Variants in THAP5 observed in about 807,000 individuals in gnomAD.
The protein encoded by THAP5 is THAP domain-containing protein 5.
Under a neutral mutation model 34.0 loss-of-function variants are expected in THAP5, and 26 were observed. That is an observed-to-expected ratio of 0.77 (90% confidence interval 0.56 to 1.06). The LOEUF is 1.06. Ranked by LOEUF, THAP5 falls within the 50% of genes least tolerant of loss-of-function variation. THAP5 has a pLI of 0.00. For missense variants in THAP5, 394 were observed against 452.8 expected (o/e 0.87, Z 1.18); for synonymous variants, 125 against 153.0 (o/e 0.82, Z 1.35).
chr7:108,565,926 G>A lies in THAP5; in HGVS notation c.177C>T (p.Asp59=), dbSNP rs1228216208. The change falls in exon 2 of 3, where the codon GAC becomes GAT. Residue 59 remains aspartate, a synonymous_variant. Transcript: ENST00000415914. ...VPSKYQFLCS[D]HFTPDSLDIR... ...TGTCAAGAGAGTCAGGAGTAAAATGGTCACTACATAGAAACTGGTATTTAC... is the reference window on the plus strand; with the variant it reads ...TGTCAAGAGAGTCAGGAGTAAAATGATCACTACATAGAAACTGGTATTTAC... The A allele has an allele frequency of 1.1e-5, 17 of 1,550,574 alleles. No homozygotes were observed. In the South Asian group the frequency reaches 1.8e-4, roughly 16 times the overall value.
At chr7:108,548,956 A>T in the THAP5 span, among the ~76,000 whole-genome samples, 2 of 152,132 alleles carry the variant, frequency 1.3e-5, no homozygotes, top group African/African-American at 4.8e-5. Context: ...GTGTTCTACA[A>T]GCCTTATTGC....
In THAP5 at chr7:108,565,341, C is replaced by A. The variant is rs1216380713; in HGVS notation, c.274-236G>T. The A allele has an allele frequency of 3.5e-5, 11 of 314,368 alleles. No homozygotes were observed. The South Asian group carries it at 9.6e-4, about 27-fold the overall frequency. The allele number at this position is 314,368 out of a possible 1,614,324, so 19.5% of individuals were successfully genotyped here. A position where few individuals can be genotyped will look rare whatever the true frequency, so the allele number is the denominator to read the frequency against. On this transcript the variant is annotated intron_variant, in intron 2 of 2. Coordinates refer to ENST00000415914, the MANE Select transcript of THAP5 (RefSeq NM_001130475.3). ...TAGTATATTGGGAGGCCAAGGCAGG[C>A]AGATCAACTGAGGTCAGGAGTTCAA...
At chr7:108,547,360 T>C in the THAP5 span, among the ~76,000 whole-genome samples, 1 of 152,202 alleles carries the variant, frequency 6.6e-6, no homozygotes, top group Non-Finnish European at 1.5e-5. Flanking sequence ...TTCTAGTTCA[T>C]TGTGCATATT....
At chr7:108,566,299 C>T (rs1445243244) in intron 1 of THAP5, among the ~76,000 whole-genome samples, 1 of 152,056 alleles carries the variant, frequency 6.6e-6, no homozygotes, top group East Asian at 1.9e-4. Flanking sequence ...TATATGTGTT[C>T]CTATAAAGGA....
the THAP5 span, among the ~76,000 whole-genome samples, chr7:108,549,407 A>G: frequency 6.6e-6 from 1 of 152,206 alleles, no homozygotes; most frequent in African/African-American, 2.4e-5. Context: ...GGCGTGAGCC[A>G]CTGCATCTGA....
the THAP5 span, among the ~76,000 whole-genome samples, chr7:108,547,896 G>A: frequency 2.0e-5 from 3 of 152,102 alleles, no homozygotes; most frequent in Admixed American, 2.0e-4. Context: ...CCTGAGCAGT[G>A]GTGTTTAAAT....
Position 108,563,765 on chromosome 7 carries a change from G to T in THAP5, c.*426C>A, listed in dbSNP as rs1268220630. ...AGAATTATCTTAATAAAAAGGGAAG[G>T]GACTATAAATAACCAATTACAAATC... On this transcript the variant is annotated 3_prime_UTR_variant, in exon 3 of 3. Coordinates refer to ENST00000415914, the MANE Select transcript of THAP5 (RefSeq NM_001130475.3). 6.5e-6 allele frequency: 1 copy of T among 153,848 alleles called. No individual in the cohort carries two copies. The highest frequency in any genetic ancestry group is 1.4e-5 in the Non-Finnish European group (1 of 69,364). The allele number at this position is 153,848 out of a possible 1,614,324, so 9.5% of individuals were successfully genotyped here. A position where few individuals can be genotyped will look rare whatever the true frequency, so the allele number is the denominator to read the frequency against.
chr7:108,549,422 T>C, the THAP5 span, among the ~76,000 whole-genome samples: 1 of 152,178 alleles, frequency 6.6e-6, no homozygotes, highest in Non-Finnish European at 1.5e-5. Context: ...ATCTGACCTA[T>C]ATTTTTAAAG....
At chr7:108,566,164 A>G (rs1790484147) in intron 1 of THAP5, 142 bp from the exon 2 acceptor site, 1 of 635,424 alleles carries the variant, frequency 1.6e-6, no homozygotes, top group Admixed American at 3.3e-5. Flanking sequence ...CTACCAAATA[A>G]GAGCATCTTC....
chr7:108,558,381 G>GTATGTATA (rs1554694585), downstream of THAP5, among the ~76,000 whole-genome samples: 1 of 93,824 alleles, frequency 1.1e-5, no homozygotes, highest in South Asian at 2.9e-4. Context: ...GTGTGTGTAT[G>GTATGTATA]TATATATATA....
At position 108,564,930 on chromosome 7, in the gene THAP5, T is replaced by C; in HGVS notation, c.449A>G (p.Lys150Arg). 6.4e-7 allele frequency: 1 copy of C among 1,571,220 alleles called. No homozygotes were observed. The highest frequency in any genetic ancestry group is 8.7e-7 in the Non-Finnish European group (1 of 1,154,876). The change falls in exon 3 of 3, where the codon AAG becomes AGG. Residue 150 changes from lysine to arginine, a missense_variant. Lys to Arg is a conservative substitution (Grantham distance 26). Transcript: ENST00000415914. ...ACTTCCTGTTTTGGGAGCTGGTGGC[T>C]TTACCAAGGAAGATGAATGAAGTAA... ...PELLHSSSLV[K>R]PPAPKTGSIQ...
Position 108,565,888 on chromosome 7 carries a change from A to G in THAP5, c.215T>C (p.Ile72Thr). ...AACTGCAGTTTGTTTTAAATATCGA[A>G]TACCCCATCTGATGTCAAGAGAGTC... Reference protein sequence around the residue: ...TPDSLDIRWGIRYLKQTAVPT... With the variant: ...TPDSLDIRWGTRYLKQTAVPT... The change falls in exon 2 of 3, where the codon ATT (isoleucine) becomes ACT (threonine). Residue 72 changes from isoleucine (I) to threonine (T), a missense_variant. Coordinates refer to ENST00000415914, the MANE Select transcript of THAP5 (RefSeq NM_001130475.3). 1 of 1,548,850 alleles carries G rather than the reference A, an allele frequency of 6.5e-7. No individual in the cohort carries two copies. Among genetic ancestry groups the G allele is most frequent in the Non-Finnish European group, 8.7e-7 (1 of 1,146,580 alleles).
chr7:108,565,606 T>A, intron 2 of THAP5: 2 of 357,922 alleles, frequency 5.6e-6, no homozygotes, highest in Non-Finnish European at 1.0e-5. Flanking sequence ...CATGAACTTG[T>A]GTTAATAACT....
chr7:108,568,083 C>T (rs1026650401), intron 1 of THAP5, among the ~76,000 whole-genome samples: 2 of 152,194 alleles, frequency 1.3e-5, no homozygotes, highest in Admixed American at 6.5e-5. Flanking sequence ...TAGTATTTCC[C>T]TATAAACTGA....
Position 108,565,110 on chromosome 7 carries a change from A to G in THAP5, c.274-5T>C, listed in dbSNP as rs1790457561. On this transcript the variant is annotated splice_region_variant and splice_polypyrimidine_tract_variant and intron_variant, in intron 2 of 2. Transcript: ENST00000415914. ...TTTTTTAGAAGGGTCTTTTCCCTAG[A>G]AAATAATATTTTCATGTTCTGAAAA... The G allele has an allele frequency of 6.7e-6, 10 of 1,488,430 alleles. No individual in the cohort carries two copies. Among genetic ancestry groups the G allele is most frequent in the Non-Finnish European group, 8.9e-6 (10 of 1,121,448 alleles). The allele number at this position is 1,488,430 out of a possible 1,614,324, so 92.2% of individuals were successfully genotyped here. A position where few individuals can be genotyped will look rare whatever the true frequency, so the allele number is the denominator to read the frequency against.
chr7:108,568,070 C>A (rs761486985), intron 1 of THAP5, among the ~76,000 whole-genome samples: 11 of 152,204 alleles, frequency 7.2e-5, no homozygotes, highest in Non-Finnish European at 1.0e-4. Context: ...GCCATTAGTA[C>A]AGTAGTATTT....
chr7:108,542,512 G>C, the THAP5 span, among the ~76,000 whole-genome samples: 2 of 152,130 alleles, frequency 1.3e-5, no homozygotes, highest in Non-Finnish European at 2.9e-5. Context: ...GCCCAGGCTG[G>C]AGTGCAGTGG....
chr7:108,558,521 CTGAG>C (rs1377177146), downstream of THAP5, among the ~76,000 whole-genome samples: 2 of 150,530 alleles, frequency 1.3e-5, no homozygotes, highest in Non-Finnish European at 3.0e-5. Context: ...CCTCAGCCTC[CTGAG>C]TATCTAGGAT....
intron 1 of THAP5, among the ~76,000 whole-genome samples, chr7:108,566,549 C>G (rs1440277943): frequency 6.6e-6 from 1 of 152,056 alleles, no homozygotes; most frequent in Non-Finnish European, 1.5e-5. Context: ...TGAAAAAGTA[C>G]TGAAAATATT....
Sources: allele counts gnomAD v4.1 joint callset (sites outside exome capture counted in the v4.1 genomes callset), GRCh38; gene constraint gnomAD v4.1.1; transcripts MANE v1.5; gene names NCBI Gene and HGNC (gene_info 2026-07-23, HGNC 2026-07-21).